Variants in CLCN2 observed in about 807,000 individuals in gnomAD.
The protein encoded by CLCN2 is chloride channel protein 2.
CLCN2 carries 72 observed loss-of-function variants against 108.3 expected under a neutral mutation model. That is an observed-to-expected ratio of 0.66 (90% CI 0.55 to 0.81). CLCN2 has a LOEUF of 0.81. CLCN2 is among the 30% of genes least tolerant of loss of function. The pLI is 0.00. For synonymous variants in CLCN2, 471 were observed against 467.1 expected (o/e 1.01, Z -0.11); for missense variants, 1,048 against 1,205.2 (o/e 0.87, Z 1.93).
intron 1 of CLCN2, among the ~76,000 whole-genome samples, chr3:184,359,974 T>C (rs1332222264): frequency 1.2e-5 from 1 of 82,080 alleles, no homozygotes. Context: ...AGGGCTCCTG[T>C]TGGGGCTGGG....
Position 184,355,049 on chromosome 3 carries a change from G to GTCTACC in CLCN2, c.1327-82_1327-77dup. On this transcript the variant is annotated intron_variant, in intron 12 of 23. Coordinates refer to ENST00000265593, the MANE Select transcript of CLCN2 (RefSeq NM_004366.6). The surrounding 1 kb of genome is among the most constrained non-coding windows in gnomAD (Gnocchi z 6.3). Reference sequence around the variant, plus strand: ...CAGCCCACAGCGCCACCCAGGAGAAGTCTACCTCGCTGATCAGGTGGGCGT... The same window carrying GTCTACC: ...CAGCCCACAGCGCCACCCAGGAGAAGTCTACCTCTACCTCGCTGATCAGGTGGGCGT... The GTCTACC allele has an allele frequency of 7.2e-7, 1 of 1,387,308 alleles. No individual in the cohort carries two copies. The highest frequency in any genetic ancestry group is 1.0e-6 in the Non-Finnish European group (1 of 976,308). The allele number at this position is 1,387,308 out of a possible 1,614,324, so 85.9% of individuals were successfully genotyped here.
At chr3:184,356,701 TCAAA>T (rs1411073148) in intron 10 of CLCN2, 2 of 427,912 alleles carry the variant, frequency 4.7e-6, no homozygotes, top group Non-Finnish European at 8.7e-6. Context: ...AACCTGAGGC[TCAAA>T]CACTCTCCAG....
At chr3:184,352,668 A>G (rs1728202561) in intron 19 of CLCN2, 69 bp downstream of exon 19, 1 of 1,546,258 alleles carries the variant, frequency 6.5e-7, no homozygotes, top group African/African-American at 1.4e-5. Flanking sequence ...AGGGTTAATG[A>G]CGTGGTCTCA....
chr3:184,352,571 G>A (rs1728194202), intron 19 of CLCN2, 75 bp from the exon 20 acceptor site: 1 of 1,530,044 alleles, frequency 6.5e-7, no homozygotes, highest in African/African-American at 1.4e-5. Flanking sequence ...AGGGGAAGTG[G>A]TGGAGCCCAG....
Position 184,358,288 on chromosome 3 carries a change from G to A in CLCN2, c.375C>T (p.Gly125=). Residue 125 remains glycine, a synonymous_variant, in exon 4 of 24, where the codon GGC becomes GGT. Transcript: ENST00000265593. ...CLQAQQWMSR[G]LNTSILLQYL... ...ACTGGAGCAAGATGCTGGTGTTCAA[G>A]CCCCGGGACATCCACTGCTGGGCTG... 6.2e-7 allele frequency: 1 copy of A among 1,614,104 alleles called. No homozygotes were observed.
chr3:184,353,972 G>A (rs1728333344), intron 15 of CLCN2, 129 bp downstream of exon 15: 2 of 1,344,132 alleles, frequency 1.5e-6, no homozygotes, highest in African/African-American at 2.9e-5. Context: ...AGCCCCTCCA[G>A]AGTGTGGACG....
Position 184,355,022 on chromosome 3 carries a change from G to T in CLCN2, c.1327-49C>A. On this transcript the variant is annotated intron_variant, in intron 12 of 23. Transcript: ENST00000265593. The surrounding 1 kb of genome is among the most constrained non-coding windows in gnomAD (Gnocchi z 6.3). ...GGCGAAGAGGCTCCACCTGGCCCCAGGCAGCCCACAGCGCCACCCAGGAGA... is the reference window on the plus strand; with the variant it reads ...GGCGAAGAGGCTCCACCTGGCCCCATGCAGCCCACAGCGCCACCCAGGAGA... 1.9e-6 allele frequency: 3 copies of T among 1,566,358 alleles called. No individual in the cohort carries two copies. Among genetic ancestry groups the T allele is most frequent in the Non-Finnish European group, 2.6e-6 (3 of 1,137,362 alleles).
chr3:184,352,207 G>T, intron 21 of CLCN2, 86 bp downstream of exon 21: 1 of 1,596,198 alleles, frequency 6.3e-7, no homozygotes, highest in Middle Eastern at 1.7e-4. Flanking sequence ...TTCCAACCCC[G>T]TGGTCCCTCC....
At position 184,358,138 on chromosome 3, in the gene CLCN2, T is replaced by C. The variant is rs747245685; in HGVS notation, c.482-43A>G. 10 of 1,614,030 alleles carry C rather than the reference T, an allele frequency of 6.2e-6. No individual in the cohort carries two copies. The South Asian group carries it at 1.1e-4, about 18-fold the overall frequency. On this transcript the variant is annotated intron_variant, in intron 4 of 23. Transcript: ENST00000265593. ...TCAGGAGAGGCATTCGATGCACCCA[T>C]TTCAGGGGTCCCGCCTCTGCCCTCC...
At chr3:184,357,584 G>A (rs771056088) in intron 7 of CLCN2, 36 bp downstream of exon 7, 1 of 1,613,954 alleles carries the variant, frequency 6.2e-7, no homozygotes, top group South Asian at 1.1e-5. Flanking sequence ...CAAGGGCAGG[G>A]TTGTGGGGCT....
intron 10 of CLCN2, chr3:184,356,757 C>G: frequency 1.8e-6 from 1 of 553,828 alleles, no homozygotes; most frequent in Non-Finnish European, 3.2e-6. Context: ...CCTGAGGAGG[C>G]CTTAGTCTTT....
chr3:184,360,514 ACTTTCTC>A (rs1456527840), intron 1 of CLCN2, among the ~76,000 whole-genome samples: 2 of 151,966 alleles, frequency 1.3e-5, no homozygotes, highest in Non-Finnish European at 1.5e-5. Flanking sequence ...TCATCCAGCT[ACTTTCTC>A]CTAACTGGGC....
At chr3:184,351,335 C>G (rs1267259905) in intron 22 of CLCN2, among the ~76,000 whole-genome samples, 1 of 152,178 alleles carries the variant, frequency 6.6e-6, no homozygotes, top group Non-Finnish European at 1.5e-5. Flanking sequence ...GCAGGCTGCC[C>G]CCCTTAGGAG....
At position 184,355,902 on chromosome 3, in the gene CLCN2, T is replaced by C. The variant is rs1482155767; in HGVS notation, c.1086-124A>G. 4 of 785,726 alleles carry C rather than the reference T, an allele frequency of 5.1e-6. No individual in the cohort carries two copies. Among genetic ancestry groups the C allele is most frequent in the Non-Finnish European group, 8.9e-6 (4 of 451,562 alleles). The allele number at this position is 785,726 out of a possible 1,614,324, so 48.7% of individuals were successfully genotyped here. ...GAAAACACTCAGTCCTGACAGAAGGTCTCCTTTGCTGTTTATGATACGATA... is the reference window on the plus strand; with the variant it reads ...GAAAACACTCAGTCCTGACAGAAGGCCTCCTTTGCTGTTTATGATACGATA... On this transcript the variant is annotated intron_variant, in intron 10 of 23. Coordinates refer to ENST00000265593, the MANE Select transcript of CLCN2 (RefSeq NM_004366.6). This position sits in a 1 kb window ranked among gnomAD's most constrained non-coding sequence, Gnocchi z 6.3.
chr3:184,353,270 C>T lies in CLCN2; in HGVS notation c.2008G>A (p.Glu670Lys). 1 of 1,614,062 alleles carries T rather than the reference C, an allele frequency of 6.2e-7. No individual in the cohort carries two copies. The highest frequency in any genetic ancestry group is 8.5e-7 in the Non-Finnish European group (1 of 1,180,010). The change falls in exon 17 of 24, where the codon GAG becomes AAG. Residue 670 changes from glutamate (E) to lysine (K), a missense_variant. By Grantham distance (56) the Glu-to-Lys change is moderately conservative (BLOSUM62 1). Coordinates refer to ENST00000265593, the MANE Select transcript of CLCN2 (RefSeq NM_004366.6). ...CTCACCTGGAAGCAGACAGAAGCCT[C>T]AGGGGTAGGGGGACCCTCCTGATCA... is the stretch of plus-strand genomic sequence containing the variant. ...LSDQEGPPTP[E>K]ASVCFQVNTE...
At chr3:184,360,283 G>A (rs1043774441) in intron 1 of CLCN2, among the ~76,000 whole-genome samples, 3 of 152,022 alleles carry the variant, frequency 2.0e-5, no homozygotes, top group Non-Finnish European at 4.4e-5. Flanking sequence ...AGAGTGCCCG[G>A]GACAGAGCTC....
At position 184,346,473 on chromosome 3, in the gene CLCN2, C is replaced by T; in HGVS notation, c.*133G>A. 1.9e-6 allele frequency: 2 copies of T among 1,026,046 alleles called. No homozygotes were observed. Among genetic ancestry groups the T allele is most frequent in the South Asian group, 2.7e-5 (2 of 74,878 alleles). The allele number at this position is 1,026,046 out of a possible 1,614,324, so 63.6% of individuals were successfully genotyped here. A position where few individuals can be genotyped will look rare whatever the true frequency, so the allele number is the denominator to read the frequency against. On this transcript the variant is annotated 3_prime_UTR_variant, in exon 24 of 24. Transcript: ENST00000265593. The surrounding 1 kb of genome is among the most constrained non-coding windows in gnomAD (Gnocchi z 6.0). ...GATGAACTGGGAGAAGCTGGCACCCCAGGTCTGGAGGGGGCTGGGGTGCAG... is the reference window on the plus strand; with the variant it reads ...GATGAACTGGGAGAAGCTGGCACCCTAGGTCTGGAGGGGGCTGGGGTGCAG...
chr3:184,353,887 G>A, intron 15 of CLCN2, 92 bp from the exon 16 acceptor site: 1 of 1,548,158 alleles, frequency 6.5e-7, no homozygotes, highest in Non-Finnish European at 8.8e-7. Flanking sequence ...GGGCTCCAGA[G>A]CCCATCCATG....
At chr3:184,360,624 C>T (rs1711930534) in intron 1 of CLCN2, among the ~76,000 whole-genome samples, 1 of 152,168 alleles carries the variant, frequency 6.6e-6, no homozygotes, top group African/African-American at 2.4e-5. Context: ...AAAGGAACCA[C>T]GGGCCCCTTC....
Sources: allele counts gnomAD v4.1 joint callset (sites outside exome capture counted in the v4.1 genomes callset), GRCh38; gene constraint gnomAD v4.1.1; non-coding constraint Gnocchi (gnomAD v3.1); transcripts MANE v1.5; gene names NCBI Gene and HGNC (gene_info 2026-07-23, HGNC 2026-07-21).